Variants in RAP1GAP2 observed in about 807,000 individuals in gnomAD.
RAP1GAP2 encodes RAP1 GTPase activating protein 2.
Under a neutral mutation model 95.0 loss-of-function variants are expected in RAP1GAP2, and 27 were observed. That is an observed-to-expected ratio of 0.28 (90% CI 0.21 to 0.39). The LOEUF (loss-of-function observed/expected upper bound fraction) is 0.39. Among genes scored for constraint, RAP1GAP2 ranks in the 10% least tolerant of loss-of-function variants. RAP1GAP2 has a pLI of 1.00. For synonymous variants in RAP1GAP2, 373 were observed against 380.9 expected (o/e 0.98, Z 0.24); for missense variants, 771 against 970.0 (o/e 0.79, Z 2.72).
rs753130715 is a variant in RAP1GAP2 at position 3,026,383 on chromosome 17, C to T, written c.1899C>T (p.Ala633=). ...TGAAGTTGAAGGAAAACGGCCGTGCCATCTCCCGCTCCTCCTCCAGCACCA... is the reference window on the plus strand; with the variant it reads ...TGAAGTTGAAGGAAAACGGCCGTGCTATCTCCCGCTCCTCCTCCAGCACCA... ...PFMKLKENGR[A]ISRSSSSTSS... is the part of the protein sequence containing the mutation. Residue 633 remains alanine (A), a synonymous_variant, in exon 21 of 25, where the codon GCC becomes GCT. Coordinates refer to ENST00000254695, the MANE Select transcript of RAP1GAP2 (RefSeq NM_015085.5). 6.4e-6 allele frequency: 10 copies of T among 1,552,220 alleles called. No individual in the cohort carries two copies. Among genetic ancestry groups the T allele is most frequent in the Non-Finnish European group, 8.7e-6 (10 of 1,147,514 alleles).
rs866491986 is a variant in RAP1GAP2 at position 2,906,079 on chromosome 17, C to T, written c.165+711C>T. ...GTGTTTCTGCATAGGCTGGCATGCA[C>T]GCTCTCCCTCCCTCCCTCCCTGCCT... On this transcript the variant is annotated intron_variant, in intron 3 of 24. Transcript: ENST00000254695. The surrounding 1 kb of genome is among the most constrained non-coding windows in gnomAD (Gnocchi z 4.3). Among the ~76,000 whole-genome samples, 35 of 152,168 alleles carry T rather than the reference C, an allele frequency of 2.3e-4. No individual in the cohort carries two copies. Among genetic ancestry groups the T allele is most frequent in the African/African-American group, 6.3e-4 (26 of 41,438 alleles).
chr17:2,898,945 G>GTATTGATTAGCAGGAA (rs1440706546), intron 2 of RAP1GAP2, among the ~76,000 whole-genome samples: 3 of 152,092 alleles, frequency 2.0e-5, no homozygotes, highest in African/African-American at 7.2e-5. Context: ...ATTAGCAGGA[G>GTATTGATTAGCAGGAA]TATTGATTAG....
chr17:2,957,832 A>G (rs751819619), intron 4 of RAP1GAP2, 38 bp downstream of exon 4: 2 of 1,559,944 alleles, frequency 1.3e-6, no homozygotes, highest in Admixed American at 1.8e-5. Context: ...GAAGAAGCCC[A>G]GCCCCAGATG....
chr17:2,979,019 G>A (rs2045241842), intron 8 of RAP1GAP2, among the ~76,000 whole-genome samples: 3 of 151,906 alleles, frequency 2.0e-5, no homozygotes. Flanking sequence ...AAAAATTCAG[G>A]ATATTAAAAA....
At position 2,886,161 on chromosome 17, in the gene RAP1GAP2, G is replaced by GTA. The variant is rs1555561392; in HGVS notation, c.81-19113_81-19112dup. On this transcript the variant is annotated intron_variant, in intron 2 of 24. Coordinates refer to ENST00000254695, the MANE Select transcript of RAP1GAP2 (RefSeq NM_015085.5). ...TGTGTGTGTGTGTGTGTGTGTGTGT[G>GTA]TATATATATATTTTTTTTTTTTTTT... Among the ~76,000 whole-genome samples, 765 of 124,614 alleles carry GTA rather than the reference G, an allele frequency of 6.1e-3. 7 individuals carry two copies. The highest frequency in any genetic ancestry group is 0.017 in the South Asian group (66 of 3,936). 81.8% of individuals were successfully genotyped at this position (124,614 alleles called of 152,430 possible). A position where few individuals can be genotyped will look rare whatever the true frequency, so the allele number is the denominator to read the frequency against.
chr17:2,927,369 G>T (rs562187643), intron 3 of RAP1GAP2, among the ~76,000 whole-genome samples: 4 of 152,036 alleles, frequency 2.6e-5, no homozygotes, highest in Admixed American at 6.6e-5. Flanking sequence ...TAGCCAGGAT[G>T]GTCTCGATCT....
At chr17:2,882,152 AG>A (rs977154513) in intron 2 of RAP1GAP2, among the ~76,000 whole-genome samples, 2 of 124,456 alleles carry the variant, frequency 1.6e-5, no homozygotes, top group African/African-American at 6.3e-5. Flanking sequence ...TTTGAGATGT[AG>A]TCTCACTCTT....
At chr17:2,932,740 C>T (rs890431053) in intron 3 of RAP1GAP2, among the ~76,000 whole-genome samples, 7 of 136,950 alleles carry the variant, frequency 5.1e-5, no homozygotes, top group East Asian at 4.4e-4. Context: ...CACTTGAACC[C>T]GGGGGAGGCA....
intron 2 of RAP1GAP2, among the ~76,000 whole-genome samples, chr17:2,894,846 C>A (rs534971404): frequency 6.6e-6 from 1 of 152,162 alleles, no homozygotes; most frequent in Non-Finnish European, 1.5e-5. Context: ...GGGCAGCGCC[C>A]CTCGGCCCCG....
At chr17:2,802,273 C>T (rs558333445) in intron 2 of RAP1GAP2, among the ~76,000 whole-genome samples, 28 of 152,258 alleles carry the variant, frequency 1.8e-4, no homozygotes, top group African/African-American at 5.3e-4. Flanking sequence ...CCAGTCTTGA[C>T]GGTTGGCATA....
intron 17 of RAP1GAP2, among the ~76,000 whole-genome samples, chr17:3,013,612 TTTTTCTTTTC>T (rs796384755): frequency 8.0e-6 from 1 of 124,428 alleles, no homozygotes; most frequent in African/African-American, 3.1e-5. Context: ...AGCCTCTGAG[TTTTTCTTTTC>T]TTTTCTTTTC....
At chr17:2,819,581 C>G (rs1441620213) in intron 2 of RAP1GAP2, among the ~76,000 whole-genome samples, 1 of 151,868 alleles carries the variant, frequency 6.6e-6, no homozygotes, top group Non-Finnish European at 1.5e-5. Context: ...TCCAGCGACT[C>G]TCCTGCCTCA....
rs2047453907 is a variant in RAP1GAP2, at chr17:3,035,844, C to A, written c.*2483C>A. ...CTACATCTGCTCTGATCTAAAATGTCTTTCCTTTTATGCTGCGCCCAGTCT... is the reference window on the plus strand; with the variant it reads ...CTACATCTGCTCTGATCTAAAATGTATTTCCTTTTATGCTGCGCCCAGTCT... On this transcript the variant is annotated 3_prime_UTR_variant, in exon 25 of 25. Transcript: ENST00000254695. The surrounding 1 kb of genome is among the most constrained non-coding windows in gnomAD (Gnocchi z 4.3). The A allele has an allele frequency of 6.6e-6, 1 of 152,254 alleles. No homozygotes were observed. The highest frequency in any genetic ancestry group is 1.5e-5 in the Non-Finnish European group (1 of 68,062). 9.4% of individuals were successfully genotyped at this position (152,254 alleles called of 1,614,324 possible). A position where few individuals can be genotyped will look rare whatever the true frequency, so the allele number is the denominator to read the frequency against.
intron 3 of RAP1GAP2, among the ~76,000 whole-genome samples, chr17:2,940,001 G>T (rs1216653653): frequency 6.6e-6 from 1 of 152,274 alleles, no homozygotes; most frequent in Non-Finnish European, 1.5e-5. Flanking sequence ...AGCAGCTGCA[G>T]TGGAGCTAAA....
intron 1 of RAP1GAP2, among the ~76,000 whole-genome samples, chr17:2,767,966 T>C (rs112003476): frequency 0.027 from 4,042 of 152,254 alleles, 166 homozygotes; most frequent in African/African-American, 0.092. Flanking sequence ...TCTCCTGACC[T>C]CGTGATCCAT....
chr17:3,014,136 T>C (rs7209596), intron 17 of RAP1GAP2, among the ~76,000 whole-genome samples: 4,084 of 28,106 alleles, frequency 0.15, 133 homozygotes, highest in African/African-American at 0.2. Flanking sequence ...CTATAGAGCG[T>C]GTGGCTGCCA....
At chr17:2,873,749 T>C (rs763099117) in intron 2 of RAP1GAP2, among the ~76,000 whole-genome samples, 32 of 152,016 alleles carry the variant, frequency 2.1e-4, no homozygotes, top group Non-Finnish European at 3.8e-4. Context: ...CTGAATTGTA[T>C]ACTTTATTAT....
At chr17:2,770,968 A>G (rs1291209831) in intron 2 of RAP1GAP2, among the ~76,000 whole-genome samples, 2 of 151,900 alleles carry the variant, frequency 1.3e-5, no homozygotes, top group Non-Finnish European at 2.9e-5. Flanking sequence ...AATCTCTTGA[A>G]CCCCGGAGGC....
chr17:2,962,424 G>T, intron 4 of RAP1GAP2: 1 of 489,978 alleles, frequency 2.0e-6, no homozygotes, highest in South Asian at 2.7e-5. Context: ...CTGATAGGTG[G>T]CAGTGTTGGG....
Sources: allele counts gnomAD v4.1 joint callset (sites outside exome capture counted in the v4.1 genomes callset), GRCh38; gene constraint gnomAD v4.1.1; non-coding constraint Gnocchi (gnomAD v3.1); transcripts MANE v1.5; gene names NCBI Gene and HGNC (gene_info 2026-07-23, HGNC 2026-07-21).